Variants in NRG1 observed in about 807,000 individuals in gnomAD.
NRG1 encodes the protein pro-neuregulin-1, membrane-bound isoform.
A neutral mutation model predicts 63.8 loss-of-function variants in NRG1; 18 were observed. The observed-to-expected ratio is 0.28, with a 90% confidence interval of 0.19 to 0.42. NRG1 has a LOEUF of 0.42. Among genes scored for constraint, NRG1 ranks in the 10% least tolerant of loss-of-function variants. NRG1 has a pLI of 1.00. For missense variants in NRG1, 762 were observed against 814.7 expected (o/e 0.94, Z 0.79); for synonymous variants, 302 against 301.3 (o/e 1.00, Z -0.02).
At chr8:32,018,450 AG>A (rs1815911121) in intron 1 of NRG1, among the ~76,000 whole-genome samples, 1 of 152,242 alleles carries the variant, frequency 6.6e-6, no homozygotes, top group Non-Finnish European at 1.5e-5. Context: ...ACATATTTAA[AG>A]GTAATAGCTA....
chr8:31,875,964 A>G (rs987212558), intron 1 of NRG1, among the ~76,000 whole-genome samples: 2 of 152,146 alleles, frequency 1.3e-5, no homozygotes, highest in Non-Finnish European at 2.9e-5. Context: ...TCTCCTACTC[A>G]TGATAGCAGG....
At chr8:32,371,829 G>T (rs571778383) in intron 1 of NRG1, among the ~76,000 whole-genome samples, 2 of 152,032 alleles carry the variant, frequency 1.3e-5, no homozygotes, top group East Asian at 1.9e-4. Context: ...TCCCCAGCCC[G>T]CTCAGGCTGC....
chr8:31,649,306 A>G (rs1054493138), intron 1 of NRG1, among the ~76,000 whole-genome samples: 1 of 152,132 alleles, frequency 6.6e-6, no homozygotes, highest in Admixed American at 6.5e-5. Flanking sequence ...ACTGTTTTCC[A>G]TAGCAGCTGC....
At chr8:31,823,066 A>ATG (rs966821203) in intron 1 of NRG1, among the ~76,000 whole-genome samples, 4 of 143,912 alleles carry the variant, frequency 2.8e-5, no homozygotes, top group African/African-American at 7.6e-5. Context: ...GACCAAAGGT[A>ATG]TGTGTGTGTG....
intron 5 of NRG1, among the ~76,000 whole-genome samples, chr8:32,707,710 G>A (rs1816773284): frequency 9.8e-6 from 1 of 101,738 alleles, no homozygotes; most frequent in East Asian, 2.3e-4. Flanking sequence ...TATCTAATTG[G>A]TTTGTGGCAT....
intron 1 of NRG1, among the ~76,000 whole-genome samples, chr8:31,713,085 C>T (rs1811966370): frequency 6.6e-6 from 1 of 151,150 alleles, no homozygotes; most frequent in Non-Finnish European, 1.5e-5. Context: ...GCAGCCAGCC[C>T]TACTCACTGC....
intron 5 of NRG1, chr8:32,647,176 A>T (rs917062533): frequency 5.8e-5 from 57 of 985,250 alleles, no homozygotes; most frequent in Non-Finnish European, 6.6e-5. Flanking sequence ...AGCCCCTTTC[A>T]GCCGTCGTCG....
chr8:32,573,428 G>A (rs1267284888), intron 1 of NRG1, among the ~76,000 whole-genome samples: 1 of 152,168 alleles, frequency 6.6e-6, no homozygotes, highest in Non-Finnish European at 1.5e-5. Flanking sequence ...GCCGTATTTT[G>A]CTGACCTCTG....
At chr8:32,642,432 C>G (rs1428907783) in intron 5 of NRG1, among the ~76,000 whole-genome samples, 1 of 152,110 alleles carries the variant, frequency 6.6e-6, no homozygotes, top group Non-Finnish European at 1.5e-5. Context: ...AATGCTGGGT[C>G]TATGATTTGG....
intron 1 of NRG1, among the ~76,000 whole-genome samples, chr8:31,947,537 T>G (rs327363): frequency 0.86 from 130,434 of 152,034 alleles, 56,671 homozygotes; most frequent in Non-Finnish European, 0.91. Context: ...ACATTTGAAC[T>G]CTGTTCACAT....
At chr8:32,586,125 A>G (rs1355294469) in intron 1 of NRG1, among the ~76,000 whole-genome samples, 1 of 149,520 alleles carries the variant, frequency 6.7e-6, no homozygotes, top group Non-Finnish European at 1.5e-5. Context: ...AGTATCAGCT[A>G]TTATTATTCA....
At chr8:32,444,397 C>G (rs1263567915) in intron 1 of NRG1, among the ~76,000 whole-genome samples, 5 of 152,154 alleles carry the variant, frequency 3.3e-5, no homozygotes, top group African/African-American at 1.2e-4. Flanking sequence ...ACTGCAACCT[C>G]CCAAAATGCT....
At chr8:32,224,746 G>T (rs1343955418) in intron 1 of NRG1, among the ~76,000 whole-genome samples, 1 of 152,188 alleles carries the variant, frequency 6.6e-6, no homozygotes, top group Non-Finnish European at 1.5e-5. Flanking sequence ...TGAATGGAAA[G>T]AACACTGCAT....
intron 1 of NRG1, among the ~76,000 whole-genome samples, chr8:32,474,380 T>C (rs1824218276): frequency 6.6e-6 from 1 of 152,050 alleles, no homozygotes; most frequent in Non-Finnish European, 1.5e-5. Flanking sequence ...GCACACTCTC[T>C]CCCATGCGGT....
intron 5 of NRG1, among the ~76,000 whole-genome samples, chr8:32,656,286 C>T (rs1352431553): frequency 6.6e-6 from 1 of 152,036 alleles, no homozygotes; most frequent in Non-Finnish European, 1.5e-5. Context: ...GACAAAAAAA[C>T]TTCTAGCCCT....
At chr8:32,341,267 A>C (rs990495511) in intron 1 of NRG1, among the ~76,000 whole-genome samples, 3 of 152,194 alleles carry the variant, frequency 2.0e-5, no homozygotes, top group African/African-American at 7.2e-5. Context: ...TCCACTTTGC[A>C]TTTCTAGAAC....
At chr8:32,596,127 G>A in intron 2 of NRG1, 122 bp downstream of exon 2, 1 of 755,862 alleles carries the variant, frequency 1.3e-6, no homozygotes, top group Non-Finnish European at 1.9e-6. Context: ...GTGAAAAGCT[G>A]TTTCATTATA....
intron 6 of NRG1, among the ~76,000 whole-genome samples, chr8:32,729,278 A>T (rs1309309071): frequency 6.6e-6 from 1 of 152,180 alleles, no homozygotes; most frequent in East Asian, 1.9e-4. Flanking sequence ...TTAAAATTTG[A>T]TGTGGGCATA....
chr8:32,100,027 T>C (rs1343031987), intron 1 of NRG1, among the ~76,000 whole-genome samples: 4 of 152,058 alleles, frequency 2.6e-5, no homozygotes, highest in Non-Finnish European at 5.9e-5. Context: ...GTTGAGTCTG[T>C]GAATGAGAAG....
Sources: allele counts gnomAD v4.1 joint callset (sites outside exome capture counted in the v4.1 genomes callset), GRCh38; gene constraint gnomAD v4.1.1; transcripts MANE v1.5; gene names NCBI Gene and HGNC (gene_info 2026-07-23, HGNC 2026-07-21).